The following KLHDC2 variants were observed in gnomAD, a reference collection of about 807,000 sequenced individuals.
The protein encoded by KLHDC2 is kelch domain-containing protein 2.
A neutral mutation model predicts 62.3 loss-of-function variants in KLHDC2; 38 were observed. The observed-to-expected ratio is 0.61, with a 90% CI of 0.47 to 0.80. The LOEUF (loss-of-function observed/expected upper bound fraction) is 0.80. Among genes scored for constraint, KLHDC2 ranks in the 30% least tolerant of loss-of-function variants. The pLI, the probability that KLHDC2 is intolerant of heterozygous loss-of-function variation, is 0.00. For missense variants in KLHDC2, 430 were observed against 495.3 expected, an observed-to-expected ratio of 0.87 and a Z score of 1.25; for synonymous variants, 159 against 161.0, an observed-to-expected ratio of 0.99 and a Z score of 0.09.
At chr14:49,772,402 T>TAGTGTTGTTCTGTTTAAAAAC (rs1889682465) in intron 2 of KLHDC2, among the ~76,000 whole-genome samples, 1 of 152,228 alleles carries the variant, frequency 6.6e-6, no homozygotes, top group South Asian at 2.1e-4. Context: ...TTTTTAAAAA[T>TAGTGTTGTTCTGTTTAAAAAC]AGTGTTGTTC....
At position 49,784,702 on chromosome 14, in the gene KLHDC2, T is replaced by C. The variant is rs778846439; in HGVS notation, c.*1749T>C. 10 of 1,612,738 alleles carry C rather than the reference T, an allele frequency of 6.2e-6. No homozygotes were observed. The highest frequency in any genetic ancestry group is 5.5e-5 in the South Asian group (5 of 90,898). On this transcript the variant is annotated 3_prime_UTR_variant, in exon 13 of 13. Transcript: ENST00000298307. ...TCACTTTGCCAGGAATGTTTCTTGA[T>C]AAATCTGTGTCCTAAAAAAAGAAAA...
chr14:49,776,213 T>C (rs1486095317), intron 3 of KLHDC2, among the ~76,000 whole-genome samples: 5 of 152,196 alleles, frequency 3.3e-5, no homozygotes, highest in Admixed American at 2.0e-4. Context: ...TTGAGCCATA[T>C]GTATTTCAGA....
chr14:49,782,922 G>C lies in KLHDC2; in HGVS notation c.1190G>C (p.Arg397Thr). 1 of 1,613,268 alleles carries C rather than the reference G, an allele frequency of 6.2e-7. No homozygotes were observed. The highest frequency in any genetic ancestry group is 8.5e-7 in the Non-Finnish European group (1 of 1,179,618). Residue 397 changes from arginine to threonine, a missense_variant, in exon 13 of 13, where the codon AGG becomes ACG. Physicochemically the swap from Arg to Thr is moderately conservative, Grantham distance 71. Coordinates refer to ENST00000298307, the MANE Select transcript of KLHDC2 (RefSeq NM_014315.3). ...PKHLLHSVNQ[R>T]FGSNNTSGS is the part of the protein sequence containing the mutation. ...CACTTACTTCACAGTGTTAATCAGA[G>C]GTTTGGTAGTAACAACACTTCTGGA...
chr14:49,769,936 G>A (rs1011555497), intron 1 of KLHDC2, among the ~76,000 whole-genome samples: 26 of 122,798 alleles, frequency 2.1e-4, no homozygotes, highest in African/African-American at 7.6e-4. Flanking sequence ...GAAGGAAACT[G>A]TCTCAAAAAT....
In KLHDC2 at chr14:49,784,880, T is replaced by C. The variant is rs368080771; in HGVS notation, c.*1927T>C. 1.3e-6 allele frequency: 2 copies of C among 1,521,546 alleles called. No individual in the cohort carries two copies. Among genetic ancestry groups the C allele is most frequent in the South Asian group, 1.1e-5 (1 of 87,158 alleles). The allele number at this position is 1,521,546 out of a possible 1,614,324, so 94.3% of individuals were successfully genotyped here. ...AACAAAAAACTGCTAACATTTTAAA[T>C]TGTACTGTCAGTCTCCACATTCCTT... On this transcript the variant is annotated 3_prime_UTR_variant, in exon 13 of 13. Coordinates refer to ENST00000298307, the MANE Select transcript of KLHDC2 (RefSeq NM_014315.3).
intron 6 of KLHDC2, 47 bp downstream of exon 6, chr14:49,778,541 T>TGGGAGGGG: frequency 9.5e-6 from 1 of 104,940 alleles, no homozygotes; most frequent in South Asian, 7.4e-5. Context: ...TTAGAGGCAG[T>TGGGAGGGG]GGGGAGGGGT....
chr14:49,778,576 G>C, intron 6 of KLHDC2, 82 bp downstream of exon 6: 1 of 662,452 alleles, frequency 1.5e-6, no homozygotes, highest in South Asian at 1.9e-5. Flanking sequence ...GGGTGCACCA[G>C]AGTTGGAAGA....
intron 1 of KLHDC2, among the ~76,000 whole-genome samples, chr14:49,769,791 A>T (rs532184954): frequency 6.6e-6 from 1 of 152,142 alleles, no homozygotes; most frequent in East Asian, 1.9e-4. Context: ...ACAAAAAAAA[A>T]AATTAGCCTG....
At chr14:49,774,513 T>C (rs751094364) in intron 2 of KLHDC2, 48 bp from the exon 3 acceptor site, 3 of 1,141,172 alleles carry the variant, frequency 2.6e-6, no homozygotes, top group Non-Finnish European at 4.0e-6. Context: ...AATAGACTTT[T>C]GCATTTCTTC....
In KLHDC2 at chr14:49,768,350, T is replaced by A. The variant is rs1246835100; in HGVS notation, c.-119T>A. 2.6e-6 allele frequency: 3 copies of A among 1,174,094 alleles called. No homozygotes were observed. In the Admixed American group the frequency reaches 7.4e-5, roughly 29 times the overall value. 72.7% of individuals were successfully genotyped at this position (1,174,094 alleles called of 1,614,324 possible). Reference sequence around the variant, plus strand: ...AGGCGGCAGAGAGGCCTCAACGCCGTCCCTTTCGCCACCGCCTTTTCCTTG... The same window carrying A: ...AGGCGGCAGAGAGGCCTCAACGCCGACCCTTTCGCCACCGCCTTTTCCTTG... On this transcript the variant is annotated 5_prime_UTR_variant, in exon 1 of 13. Transcript: ENST00000298307.
chr14:49,781,986 T>C (rs1306908828), intron 10 of KLHDC2: 7 of 182,294 alleles, frequency 3.8e-5, no homozygotes, highest in African/African-American at 1.6e-4. Context: ...TCTGAGACTT[T>C]ATAGTTTACT....
chr14:49,779,885 CCTTG>C lies in KLHDC2; in HGVS notation c.773+83_773+86del, dbSNP rs1388451376. 40 of 959,088 alleles carry C rather than the reference CCTTG, an allele frequency of 4.2e-5. No individual in the cohort carries two copies. In the Middle Eastern group the frequency reaches 9.7e-4, roughly 23 times the overall value. The allele number at this position is 959,088 out of a possible 1,614,324, so 59.4% of individuals were successfully genotyped here. A position where few individuals can be genotyped will look rare whatever the true frequency, so the allele number is the denominator to read the frequency against. On this transcript the variant is annotated intron_variant, in intron 8 of 12. Coordinates refer to ENST00000298307, the MANE Select transcript of KLHDC2 (RefSeq NM_014315.3). Reference sequence around the variant, plus strand: ...ATTCCCTACTATTGGTATATAATGTCCTTGCTTAACTTTTCTTTAACTATGAAAT... The same window carrying C: ...ATTCCCTACTATTGGTATATAATGTCCTTAACTTTTCTTTAACTATGAAAT...
Position 49,768,385 on chromosome 14 carries a change from G to C in KLHDC2, c.-84G>C. 6.9e-7 allele frequency: 1 copy of C among 1,441,494 alleles called. No homozygotes were observed. Among genetic ancestry groups the C allele is most frequent in the African/African-American group, 1.4e-5 (1 of 69,028 alleles). 89.3% of individuals were successfully genotyped at this position (1,441,494 alleles called of 1,614,324 possible). A position where few individuals can be genotyped will look rare whatever the true frequency, so the allele number is the denominator to read the frequency against. On this transcript the variant is annotated 5_prime_UTR_variant, in exon 1 of 13. Transcript: ENST00000298307. ...CACCGCCTTTTCCTTGCCTCGCGCC[G>C]CTGTGCATTTCTCTCCTTTTCCTTT...
chr14:49,778,847 C>CTGAG (rs1359111368), intron 6 of KLHDC2, among the ~76,000 whole-genome samples: 1 of 151,986 alleles, frequency 6.6e-6, no homozygotes, highest in African/African-American at 2.4e-5. Flanking sequence ...CCTCAGCCTC[C>CTGAG]TGAGTATCTG....
intron 9 of KLHDC2, 122 bp from the exon 10 acceptor site, chr14:49,780,581 A>T: frequency 1.3e-6 from 1 of 774,698 alleles, no homozygotes. Flanking sequence ...GGGGGGGAAA[A>T]AAAAGAAAAT....
chr14:49,771,769 A>C (rs1198024602), intron 2 of KLHDC2, 96 bp downstream of exon 2: 2 of 677,208 alleles, frequency 3.0e-6, no homozygotes, highest in Non-Finnish European at 5.4e-6. Context: ...TTGGGAGGCC[A>C]ACGCGGGCGG....
chr14:49,785,955 T>C lies in KLHDC2; in HGVS notation c.*3002T>C, dbSNP rs1054226382. On this transcript the variant is annotated 3_prime_UTR_variant, in exon 13 of 13. Coordinates refer to ENST00000298307, the MANE Select transcript of KLHDC2 (RefSeq NM_014315.3). ...TGAGTTGCAGAAACCTGCTGTGGAT[T>C]AAAATGATGCAATAATAACCACAAA... The C allele has an allele frequency of 1.3e-5, 2 of 151,998 alleles. No individual in the cohort carries two copies. Among genetic ancestry groups the C allele is most frequent in the African/African-American group, 4.8e-5 (2 of 41,252 alleles). 9.4% of individuals were successfully genotyped at this position (151,998 alleles called of 1,614,324 possible). A position where few individuals can be genotyped will look rare whatever the true frequency, so the allele number is the denominator to read the frequency against.
rs1304469256 is a variant in KLHDC2 at position 49,778,490 on chromosome 14, C to T, written c.629C>T (p.Thr210Ile). Residue 210 changes from threonine (T) to isoleucine (I), a missense_variant, in exon 6 of 13, where the codon ACT (threonine) becomes ATT (isoleucine). Physicochemically the swap from Thr to Ile is moderately conservative, Grantham distance 89. Coordinates refer to ENST00000298307, the MANE Select transcript of KLHDC2 (RefSeq NM_014315.3). Reference sequence around the variant, plus strand: ...ACATTTACCTGGAGCCAGCCTATAACTACTGTGAGTTACTAAAGAATAATG... The same window carrying T: ...ACATTTACCTGGAGCCAGCCTATAATTACTGTGAGTTACTAAAGAATAATG... ...TETFTWSQPI[T>I]TGKAPSPRAA... 2 of 1,349,346 alleles carry T rather than the reference C, an allele frequency of 1.5e-6. No individual in the cohort carries two copies. The highest frequency in any genetic ancestry group is 4.0e-5 in the Admixed American group (2 of 50,618). The allele number at this position is 1,349,346 out of a possible 1,614,324, so 83.6% of individuals were successfully genotyped here.
At position 49,768,215 on chromosome 14, in the gene KLHDC2, G is replaced by A. The variant is rs958243265; in HGVS notation, c.-254G>A. ...GCTTCCCTGCAGTGCCCCGAGTCCC[G>A]GGCCCGCGCCGCCGCCGCCCGGCTC... On this transcript the variant is annotated 5_prime_UTR_variant, in exon 1 of 13. Transcript: ENST00000298307. 1 of 343,220 alleles carries A rather than the reference G, an allele frequency of 2.9e-6. No individual in the cohort carries two copies. Among genetic ancestry groups the A allele is most frequent in the Non-Finnish European group, 5.2e-6 (1 of 192,322 alleles). 21.3% of individuals were successfully genotyped at this position (343,220 alleles called of 1,614,324 possible).
Sources: allele counts gnomAD v4.1 joint callset (sites outside exome capture counted in the v4.1 genomes callset), GRCh38; gene constraint gnomAD v4.1.1; transcripts MANE v1.5; gene names NCBI Gene and HGNC (gene_info 2026-07-23, HGNC 2026-07-21).